NCOA2: variants seen among roughly 807,000 people sequenced by gnomAD.
NCOA2 encodes nuclear receptor coactivator 2, also known as class E basic helix-loop-helix protein 75.
Under a neutral mutation model 145.1 loss-of-function variants are expected in NCOA2, and 21 were observed. The ratio of observed to expected loss-of-function variants is 0.14; its 90% CI spans 0.10 to 0.21. NCOA2 has a LOEUF of 0.21. Among genes scored for constraint, NCOA2 ranks in the 10% least tolerant of loss-of-function variants. The probability of loss-of-function intolerance (pLI) is 1.00; values close to 1 mark genes in which losing one functional copy is unlikely to be tolerated. For missense variants in NCOA2, 1,472 were observed against 1,837.6 expected, an observed-to-expected ratio of 0.80 and a Z score of 3.64; for synonymous variants, 619 against 637.5, an observed-to-expected ratio of 0.97 and a Z score of 0.44.
chr8:70,286,609 T>C (rs562322999), intron 2 of NCOA2, among the ~76,000 whole-genome samples: 13 of 152,336 alleles, frequency 8.5e-5, no homozygotes, highest in African/African-American at 2.6e-4. Context: ...TTACTATGTA[T>C]GCTTAGAAAT....
At chr8:70,129,259 G>C (rs964987965) in intron 16 of NCOA2, among the ~76,000 whole-genome samples, 1 of 152,106 alleles carries the variant, frequency 6.6e-6, no homozygotes, top group East Asian at 1.9e-4. Flanking sequence ...CAGGACTACA[G>C]AATGCCTCCT....
At chr8:70,260,049 G>A (rs1474558495) in intron 2 of NCOA2, among the ~76,000 whole-genome samples, 1 of 152,088 alleles carries the variant, frequency 6.6e-6, no homozygotes, top group East Asian at 1.9e-4. Context: ...ACCACTACCA[G>A]GAAACAAAGT....
intron 9 of NCOA2, among the ~76,000 whole-genome samples, chr8:70,160,652 T>TGAGAGATAGAGAGAGA (rs1299622638): frequency 9.5e-5 from 3 of 31,510 alleles, no homozygotes; most frequent in Non-Finnish European, 2.2e-4. Context: ...CTGCCACAAG[T>TGAGAGATAGAGAGAGA]GAGAGACAGA....
the NCOA2 span, among the ~76,000 whole-genome samples, chr8:70,431,078 G>A: frequency 6.6e-6 from 1 of 152,078 alleles, no homozygotes; most frequent in Non-Finnish European, 1.5e-5. Flanking sequence ...TTATGAAAGT[G>A]TGATTTTATT....
chr8:70,251,533 T>C (rs1460680), intron 2 of NCOA2, among the ~76,000 whole-genome samples: 8,378 of 152,296 alleles, frequency 0.055, 307 homozygotes, highest in East Asian at 0.16. Flanking sequence ...TTTAAAAATG[T>C]ATTTACTCCT....
Position 70,290,591 on chromosome 8 carries a change from C to T in NCOA2, c.-20+6153G>A, listed in dbSNP as rs962421264. Among the ~76,000 whole-genome samples, 24 of 152,010 alleles carry T rather than the reference C, an allele frequency of 1.6e-4. 1 individual carries two copies. Among genetic ancestry groups the T allele is most frequent in the Admixed American group, 6.6e-5 (1 of 15,260 alleles). On this transcript the variant is annotated intron_variant, in intron 2 of 22. Coordinates refer to ENST00000452400, the MANE Select transcript of NCOA2 (RefSeq NM_006540.4). ...AAGATAAAAATCATAATTTGCAAAG[C>T]TTACTGTTAATTTCTCTGGTTTTCT... is the stretch of plus-strand genomic sequence containing the variant.
chr8:70,182,420 C>CT, intron 4 of NCOA2, among the ~76,000 whole-genome samples: 1 of 152,312 alleles, frequency 6.6e-6, no homozygotes, highest in East Asian at 1.9e-4. Flanking sequence ...GGCATGACTA[C>CT]TTAAGTAGAA....
intron 1 of NCOA2, among the ~76,000 whole-genome samples, chr8:70,358,315 GA>G (rs1279068350): frequency 1.3e-5 from 2 of 151,966 alleles, no homozygotes; most frequent in Non-Finnish European, 2.9e-5. Context: ...AAACAATATT[GA>G]AAAAGAAGAA....
rs1806455762 is a variant in NCOA2, at chr8:70,110,622, G to A, written c.*3010C>T. On this transcript the variant is annotated 3_prime_UTR_variant, in exon 23 of 23. Coordinates refer to ENST00000452400, the MANE Select transcript of NCOA2 (RefSeq NM_006540.4). The stretch of plus-strand genomic sequence containing the variant: ...ATCTTTGGGTTCTGCAAGTGGATCT[G>A]TGCCACCCATTTCATGTGTTAAGCC... 1 of 210,128 alleles carries A rather than the reference G, an allele frequency of 4.8e-6. No homozygotes were observed. Among genetic ancestry groups the A allele is most frequent in the Non-Finnish European group, 9.7e-6 (1 of 103,514 alleles). The allele number at this position is 210,128 out of a possible 1,614,324, so 13.0% of individuals were successfully genotyped here. A position where few individuals can be genotyped will look rare whatever the true frequency, so the allele number is the denominator to read the frequency against.
intron 2 of NCOA2, among the ~76,000 whole-genome samples, chr8:70,236,397 C>G (rs1157742958): frequency 6.6e-6 from 1 of 152,040 alleles, no homozygotes; most frequent in East Asian, 1.9e-4. Context: ...ATTTCTTGAC[C>G]TTTTCTGTTT....
At chr8:70,139,644 CTTTTTTTT>C (rs911504754) in intron 14 of NCOA2, among the ~76,000 whole-genome samples, 1 of 91,862 alleles carries the variant, frequency 1.1e-5, no homozygotes, top group African/African-American at 5.1e-5. Context: ...CGCTGGCCAT[CTTTTTTTT>C]TTTTTTTTTT....
At chr8:70,356,015 T>G (rs1809654618) in intron 1 of NCOA2, among the ~76,000 whole-genome samples, 1 of 152,226 alleles carries the variant, frequency 6.6e-6, no homozygotes, top group Non-Finnish European at 1.5e-5. Flanking sequence ...ATACTACATT[T>G]AAATGGAACT....
rs1806563679 is a variant in NCOA2, at chr8:70,111,803, T to C, written c.*1829A>G. ...CACCCTGCCACAAATAAACAAACAA[T>C]CAAATTTCAAGGAAAAACTTCTCTG... On this transcript the variant is annotated 3_prime_UTR_variant, in exon 23 of 23. Transcript: ENST00000452400. 9.2e-6 allele frequency: 2 copies of C among 217,568 alleles called. No homozygotes were observed. Among genetic ancestry groups the C allele is most frequent in the Non-Finnish European group, 1.8e-5 (2 of 108,440 alleles). 13.5% of individuals were successfully genotyped at this position (217,568 alleles called of 1,614,324 possible).
the NCOA2 span, among the ~76,000 whole-genome samples, chr8:70,418,581 C>G: frequency 6.6e-6 from 1 of 152,182 alleles, no homozygotes; most frequent in African/African-American, 2.4e-5. Flanking sequence ...AGAGACCACA[C>G]CGAGTCCCCC....
chr8:70,148,316 T>C lies in NCOA2; in HGVS notation c.2562A>G (p.Thr854=), dbSNP rs1181172007. Residue 854 remains threonine, a synonymous_variant, in exon 12 of 23, where the codon ACA becomes ACG. Coordinates refer to ENST00000452400, the MANE Select transcript of NCOA2 (RefSeq NM_006540.4). ...MQLTAENSPV[T]PVGAQKTALR... is the part of the protein sequence containing the mutation. Reference sequence around the variant, plus strand: ...GTGCTGTTTTCTGGGCTCCAACAGGTGTGACAGGGCTGTTTTCAGCTGTGA... The same window carrying C: ...GTGCTGTTTTCTGGGCTCCAACAGGCGTGACAGGGCTGTTTTCAGCTGTGA... The C allele has an allele frequency of 6.2e-7, 1 of 1,613,984 alleles. No homozygotes were observed. Among genetic ancestry groups the C allele is most frequent in the Non-Finnish European group, 8.5e-7 (1 of 1,179,890 alleles).
At chr8:70,124,204 C>A in intron 20 of NCOA2, 122 bp from the exon 21 acceptor site, 1 of 869,720 alleles carries the variant, frequency 1.1e-6, no homozygotes. Flanking sequence ...TGCATGAACC[C>A]AGGCTGAGAC....
At chr8:70,324,177 A>T (rs1806343005) in intron 1 of NCOA2, among the ~76,000 whole-genome samples, 1 of 152,214 alleles carries the variant, frequency 6.6e-6, no homozygotes, top group Non-Finnish European at 1.5e-5. Flanking sequence ...TCTCCATCTT[A>T]TCAATATATG....
intron 1 of NCOA2, among the ~76,000 whole-genome samples, chr8:70,307,153 C>T (rs767142064): frequency 1.1e-4 from 14 of 133,164 alleles, no homozygotes; most frequent in East Asian, 2.4e-4. Context: ...ACCAACTTAA[C>T]AATGAGTTAC....
the NCOA2 span, among the ~76,000 whole-genome samples, chr8:70,441,441 AAAAGAAAAAAG>A: frequency 1.3e-5 from 2 of 150,378 alleles, no homozygotes; most frequent in Non-Finnish European, 3.0e-5. Context: ...AGAGAAAGAA[AAAAGAAAAAAG>A]AAAGAAAAGA....
Sources: allele counts gnomAD v4.1 joint callset (sites outside exome capture counted in the v4.1 genomes callset), GRCh38; gene constraint gnomAD v4.1.1; transcripts MANE v1.5; gene names NCBI Gene and HGNC (gene_info 2026-07-23, HGNC 2026-07-21).